Variants in FAF1 observed in about 807,000 individuals in gnomAD.
FAF1 encodes the protein Fas associated factor 1.
A neutral mutation model predicts 92.5 loss-of-function variants in FAF1; 25 were observed. The observed-to-expected ratio is 0.27, with a 90% CI of 0.20 to 0.38. The LOEUF is 0.38. Ranked by LOEUF, FAF1 falls within the 10% of genes least tolerant of loss-of-function variation. The pLI is 1.00. For missense variants in FAF1, 636 were observed against 793.3 expected (o/e 0.80, Z 2.38); for synonymous variants, 234 against 273.2 (o/e 0.86, Z 1.42).
chr1:50,727,972 G>C (rs1038797896), intron 6 of FAF1, among the ~76,000 whole-genome samples: 11 of 152,152 alleles, frequency 7.2e-5, no homozygotes, highest in African/African-American at 2.7e-4. Context: ...CCCCTCCACT[G>C]CTTCCTTGCT....
intron 9 of FAF1, among the ~76,000 whole-genome samples, chr1:50,587,972 T>C (rs1208261798): frequency 6.6e-6 from 1 of 152,214 alleles, no homozygotes; most frequent in Non-Finnish European, 1.5e-5. Flanking sequence ...CTACCTATTA[T>C]GTCAAGGCAC....
intron 2 of FAF1, among the ~76,000 whole-genome samples, chr1:50,802,493 A>G (rs1359030600): frequency 6.6e-6 from 1 of 152,244 alleles, no homozygotes; most frequent in Non-Finnish European, 1.5e-5. Context: ...AAAAGGAGGT[A>G]GCATTAGAGG....
intron 1 of FAF1, among the ~76,000 whole-genome samples, chr1:50,903,580 G>T (rs1557582328): frequency 6.6e-6 from 1 of 152,006 alleles, no homozygotes; most frequent in Non-Finnish European, 1.5e-5. Context: ...AAAAAATGTT[G>T]AAACATTTGG....
rs78660165 is a variant in FAF1, at chr1:50,750,837, G to A, written c.368-6062C>T. ...GGGGGTTAACCATGCAGGCCAGGCT[G>A]GTCTCAAACTCCTGACCACAAGTGA... On this transcript the variant is annotated intron_variant, in intron 4 of 18. Coordinates refer to ENST00000396153, the MANE Select transcript of FAF1 (RefSeq NM_007051.3). Among the ~76,000 whole-genome samples the A allele has an allele frequency of 7.7e-3, 1,162 of 151,454 alleles. 13 individuals carry two copies. Among genetic ancestry groups the A allele is most frequent in the African/African-American group, 0.027 (1,125 of 41,314 alleles).
chr1:50,590,461 G>C (rs1392901412), intron 9 of FAF1, among the ~76,000 whole-genome samples: 1 of 152,152 alleles, frequency 6.6e-6, no homozygotes, highest in African/African-American at 2.4e-5. Context: ...TTGGTTTATA[G>C]AAATGCAAGT....
intron 8 of FAF1, chr1:50,612,529 C>G (rs568184052): frequency 2.1e-6 from 2 of 964,920 alleles, no homozygotes; most frequent in South Asian, 4.8e-5. Flanking sequence ...CCACTTGGCT[C>G]ATGTCTAGTC....
At chr1:50,518,569 T>C (rs376879025) in intron 15 of FAF1, among the ~76,000 whole-genome samples, 1 of 151,960 alleles carries the variant, frequency 6.6e-6, no homozygotes, top group African/African-American at 2.4e-5. Flanking sequence ...GCCTCCTGAG[T>C]AGCTGGGACT....
At chr1:50,618,321 G>C (rs1352112352) in intron 8 of FAF1, among the ~76,000 whole-genome samples, 1 of 151,740 alleles carries the variant, frequency 6.6e-6, no homozygotes, top group East Asian at 1.9e-4. Flanking sequence ...CTGCATCCCA[G>C]AGATTTTGGT....
chr1:50,557,907 C>CTTAT lies in FAF1; in HGVS notation c.1268+9166_1268+9169dup, dbSNP rs147268445. On this transcript the variant is annotated intron_variant, in intron 13 of 18. Coordinates refer to ENST00000396153, the MANE Select transcript of FAF1 (RefSeq NM_007051.3). ...TTAAGATATTTCACTTTATAAATAT[C>CTTAT]TTATTTATTTATTTATTTATTTAGA... 5.9e-3 allele frequency among the ~76,000 whole-genome samples: 891 copies of CTTAT among 150,518 alleles called. 4 individuals are homozygous for CTTAT. The highest frequency in any genetic ancestry group is 0.019 in the African/African-American group (776 of 41,092).
chr1:50,913,479 C>G (rs1328771246), intron 1 of FAF1, among the ~76,000 whole-genome samples: 2 of 152,150 alleles, frequency 1.3e-5, no homozygotes, highest in South Asian at 2.1e-4. Flanking sequence ...CTGAATCTAT[C>G]CATTAGAGAC....
chr1:50,474,844 G>C (rs1248513849), intron 18 of FAF1, among the ~76,000 whole-genome samples: 6 of 152,124 alleles, frequency 3.9e-5, no homozygotes, highest in Non-Finnish European at 5.9e-5. Flanking sequence ...AGAGCCTCTT[G>C]GTTCCCTACA....
At chr1:50,492,972 G>A (rs1038551675) in intron 15 of FAF1, among the ~76,000 whole-genome samples, 2 of 151,330 alleles carry the variant, frequency 1.3e-5, no homozygotes, top group Non-Finnish European at 2.9e-5. Flanking sequence ...TACAAAATAT[G>A]AAAAATCATG....
At chr1:50,468,359 C>G (rs1646525927) in intron 18 of FAF1, among the ~76,000 whole-genome samples, 1 of 151,820 alleles carries the variant, frequency 6.6e-6, no homozygotes. Context: ...GTGGTAGGAT[C>G]TTGGCTCACT....
chr1:50,617,026 G>A (rs997161667), intron 8 of FAF1, among the ~76,000 whole-genome samples: 26 of 152,194 alleles, frequency 1.7e-4, no homozygotes, highest in African/African-American at 6.0e-4. Context: ...TTGTCTATCA[G>A]TTCTAGGAGC....
chr1:50,538,679 CCT>C (rs1363045475), intron 14 of FAF1, among the ~76,000 whole-genome samples: 1 of 152,042 alleles, frequency 6.6e-6, no homozygotes, highest in South Asian at 2.1e-4. Flanking sequence ...TGCAACATTG[CCT>C]CTGACAGGGA....
At chr1:50,637,710 T>TGTGTGC (rs1453321407) in intron 8 of FAF1, among the ~76,000 whole-genome samples, 45 of 151,062 alleles carry the variant, frequency 3.0e-4, no homozygotes, top group African/African-American at 9.3e-4. Flanking sequence ...TGTGTGTGTG[T>TGTGTGC]GTGCGTGTGC....
intron 2 of FAF1, among the ~76,000 whole-genome samples, chr1:50,819,307 A>G (rs1243733700): frequency 2.0e-5 from 3 of 151,962 alleles, no homozygotes; most frequent in Non-Finnish European, 4.4e-5. Context: ...GGCTATCTAC[A>G]TTTAAAATCC....
intron 6 of FAF1, among the ~76,000 whole-genome samples, chr1:50,709,751 G>A (rs966553578): frequency 6.6e-6 from 1 of 152,142 alleles, no homozygotes; most frequent in South Asian, 2.1e-4. Flanking sequence ...GAAGTTTACC[G>A]CTCATTCATT....
intron 1 of FAF1, among the ~76,000 whole-genome samples, chr1:50,885,312 T>TCTCACACACACACACACACACACACACA (rs906105476): frequency 7.3e-6 from 1 of 137,442 alleles, no homozygotes; most frequent in African/African-American, 2.8e-5. Flanking sequence ...TCTCTCTCTC[T>TCTCACACACACACACACACACACACACA]CACACACACA....
Sources: gnomAD v4.1 joint callset for allele counts (sites outside exome capture counted in the v4.1 genomes callset) on GRCh38, gnomAD v4.1.1 for gene constraint, MANE v1.5 for transcripts, NCBI Gene and HGNC (gene_info 2026-07-23, HGNC 2026-07-21) for gene names.